Variants in RGL1 observed in about 807,000 individuals in gnomAD.
The protein encoded by RGL1 is ral guanine nucleotide dissociation stimulator-like 1.
RGL1 carries 24 observed loss-of-function variants against 95.2 expected under a neutral mutation model. That is an observed-to-expected ratio of 0.25 (90% CI 0.18 to 0.35). The LOEUF (loss-of-function observed/expected upper bound fraction) is 0.35. RGL1 is among the 10% of genes least tolerant of loss of function. The probability of loss-of-function intolerance (pLI) is 1.00; values close to 1 mark genes in which losing one functional copy is unlikely to be tolerated. For missense variants in RGL1, 715 were observed against 936.3 expected (o/e 0.76, Z 3.08); for synonymous variants, 329 against 344.9 (o/e 0.95, Z 0.51).
At chr1:183,731,383 AGAG>A (rs1656619707) in intron 1 of RGL1, among the ~76,000 whole-genome samples, 1 of 152,168 alleles carries the variant, frequency 6.6e-6, no homozygotes, top group Admixed American at 6.6e-5. Flanking sequence ...AGGGCAGGGC[AGAG>A]GAAGTGTGAT....
chr1:183,735,325 G>T (rs1208100698), intron 1 of RGL1, among the ~76,000 whole-genome samples: 1 of 152,102 alleles, frequency 6.6e-6, no homozygotes, highest in Non-Finnish European at 1.5e-5. Flanking sequence ...GAAAATGGTT[G>T]CCCAATGATT....
At chr1:183,672,676 TA>T (rs1442176354) in intron 1 of RGL1, among the ~76,000 whole-genome samples, 10 of 152,234 alleles carry the variant, frequency 6.6e-5, no homozygotes, top group Non-Finnish European at 1.2e-4. Context: ...TTTTGGTCTT[TA>T]ATTAATTTAA....
chr1:183,910,630 T>A (rs1401599960), intron 14 of RGL1, among the ~76,000 whole-genome samples: 1 of 152,188 alleles, frequency 6.6e-6, no homozygotes, highest in Non-Finnish European at 1.5e-5. Flanking sequence ...CCATATCTTT[T>A]CACTGTTCTT....
intron 2 of RGL1, among the ~76,000 whole-genome samples, chr1:183,843,386 A>G (rs753968554): frequency 1.4e-4 from 22 of 152,372 alleles, no homozygotes; most frequent in Non-Finnish European, 2.8e-4. Context: ...TCATGTATGC[A>G]TATTGAAATT....
intron 1 of RGL1, among the ~76,000 whole-genome samples, chr1:183,740,752 T>G (rs986215981): frequency 3.3e-5 from 5 of 152,204 alleles, no homozygotes; most frequent in African/African-American, 1.2e-4. Flanking sequence ...GTAACCTGAC[T>G]TTTACATCTG....
At chr1:183,842,805 C>T (rs982144263) in intron 2 of RGL1, among the ~76,000 whole-genome samples, 3 of 152,170 alleles carry the variant, frequency 2.0e-5, no homozygotes, top group Admixed American at 1.3e-4. Flanking sequence ...TCGTCTTCAA[C>T]TTAATAATTC....
intron 1 of RGL1, among the ~76,000 whole-genome samples, chr1:183,721,323 G>A (rs767480719): frequency 3.3e-5 from 5 of 152,098 alleles, no homozygotes; most frequent in Middle Eastern, 3.4e-3. Flanking sequence ...AAGTCTTTTT[G>A]ATCTATACGT....
At chr1:183,833,986 G>A (rs1558236492) in intron 2 of RGL1, among the ~76,000 whole-genome samples, 2 of 126,488 alleles carry the variant, frequency 1.6e-5, no homozygotes, top group Non-Finnish European at 3.3e-5. Flanking sequence ...TTTTAGCATA[G>A]CAGCATAAAA....
chr1:183,842,896 C>G (rs929660873), intron 2 of RGL1, among the ~76,000 whole-genome samples: 4 of 152,168 alleles, frequency 2.6e-5, no homozygotes, highest in Non-Finnish European at 4.4e-5. Context: ...TCTTTTCTTG[C>G]AAAAATGAAA....
intron 2 of RGL1, among the ~76,000 whole-genome samples, chr1:183,811,024 T>A (rs1056419565): frequency 1.3e-5 from 2 of 152,224 alleles, no homozygotes; most frequent in Non-Finnish European, 2.9e-5. Context: ...GCCTCATCCT[T>A]CTTTGGGGGA....
chr1:183,766,442 T>G (rs994690156), intron 2 of RGL1, among the ~76,000 whole-genome samples: 1 of 152,164 alleles, frequency 6.6e-6, no homozygotes, highest in African/African-American at 2.4e-5. Flanking sequence ...AATATAATTT[T>G]CTAAAGGACA....
At chr1:183,812,977 A>G (rs1166348756) in intron 2 of RGL1, among the ~76,000 whole-genome samples, 1 of 152,206 alleles carries the variant, frequency 6.6e-6, no homozygotes, top group Non-Finnish European at 1.5e-5. Context: ...TAATGTTAGC[A>G]TAGTCATTGA....
intron 2 of RGL1, among the ~76,000 whole-genome samples, chr1:183,824,992 C>T (rs945202962): frequency 1.3e-5 from 2 of 152,166 alleles, no homozygotes; most frequent in Admixed American, 1.3e-4. Flanking sequence ...TTTATTTCCT[C>T]CTATCAGTAG....
intron 1 of RGL1, among the ~76,000 whole-genome samples, chr1:183,661,399 G>A (rs1232412792): frequency 1.3e-5 from 2 of 152,028 alleles, no homozygotes; most frequent in African/African-American, 4.8e-5. Flanking sequence ...CCACAGAAAT[G>A]CAAACTACCA....
intron 1 of RGL1, among the ~76,000 whole-genome samples, chr1:183,722,400 A>T (rs1317459679): frequency 1.3e-5 from 2 of 152,112 alleles, no homozygotes; most frequent in Non-Finnish European, 2.9e-5. Context: ...AGAGTAAAAG[A>T]GAACAGAGAT....
intron 2 of RGL1, among the ~76,000 whole-genome samples, chr1:183,843,429 G>T (rs190387448): frequency 5.3e-5 from 8 of 152,144 alleles, no homozygotes; most frequent in Admixed American, 2.0e-4. Flanking sequence ...AAAGAGAGGG[G>T]CTGGGTTAAT....
At chr1:183,750,546 G>T (rs908872832) in intron 2 of RGL1, among the ~76,000 whole-genome samples, 2 of 152,174 alleles carry the variant, frequency 1.3e-5, no homozygotes, top group Non-Finnish European at 2.9e-5. Flanking sequence ...CCCACCTTCT[G>T]AAGTCTACTT....
chr1:183,723,795 G>A (rs562078926), intron 1 of RGL1, among the ~76,000 whole-genome samples: 2 of 152,298 alleles, frequency 1.3e-5, no homozygotes, highest in East Asian at 3.9e-4. Flanking sequence ...TGGATTTTGA[G>A]GGCATGCAAC....
intron 1 of RGL1, among the ~76,000 whole-genome samples, chr1:183,658,850 C>T (rs1651393505): frequency 6.6e-6 from 1 of 151,126 alleles, no homozygotes; most frequent in Non-Finnish European, 1.5e-5. Context: ...CCGGGTACTC[C>T]TCTGAGACAA....
Sources: allele counts gnomAD v4.1 joint callset (sites outside exome capture counted in the v4.1 genomes callset), GRCh38; gene constraint gnomAD v4.1.1; transcripts MANE v1.5; gene names NCBI Gene and HGNC (gene_info 2026-07-23, HGNC 2026-07-21).